CTNNA2: variants seen among roughly 807,000 people sequenced by gnomAD.
CTNNA2 encodes the protein catenin alpha 2.
Under a neutral mutation model 101.0 loss-of-function variants are expected in CTNNA2, and 42 were observed. The ratio of observed to expected loss-of-function variants is 0.42; its 90% CI spans 0.32 to 0.54. The LOEUF (loss-of-function observed/expected upper bound fraction) is 0.54, where lower values mean the gene tolerates loss of function less well. Ranked by LOEUF, CTNNA2 falls within the 20% of genes least tolerant of loss-of-function variation. The pLI, the probability that CTNNA2 is intolerant of heterozygous loss-of-function variation, is 0.14. For missense variants in CTNNA2, 871 were observed against 1,223.1 expected (o/e 0.71, Z 4.29); for synonymous variants, 450 against 456.4 (o/e 0.99, Z 0.18).
intron 7 of CTNNA2, among the ~76,000 whole-genome samples, chr2:79,985,760 G>A (rs1691712146): frequency 6.6e-6 from 1 of 152,216 alleles, no homozygotes; most frequent in Non-Finnish European, 1.5e-5. Flanking sequence ...GGCCTTGCCT[G>A]CCTAGAGTGT....
At chr2:79,567,663 G>A (rs2104181150) in intron 1 of CTNNA2, among the ~76,000 whole-genome samples, 1 of 152,124 alleles carries the variant, frequency 6.6e-6, no homozygotes, top group Admixed American at 6.5e-5. Flanking sequence ...ACAAGTAGAA[G>A]CAGCAATGTT....
intron 2 of CTNNA2, among the ~76,000 whole-genome samples, chr2:79,671,039 C>T (rs1682801537): frequency 1.3e-5 from 2 of 152,120 alleles, no homozygotes; most frequent in African/African-American, 4.8e-5. Context: ...AGCAAGAATG[C>T]GACTGTTAAC....
intron 2 of CTNNA2, among the ~76,000 whole-genome samples, chr2:79,658,600 C>A (rs1297323363): frequency 6.6e-6 from 1 of 151,978 alleles, no homozygotes; most frequent in East Asian, 1.9e-4. Context: ...AGAGTTCAAC[C>A]TTTACCTTTT....
At chr2:79,496,555 T>G (rs982237302) in intron 4 of CTNNA2, among the ~76,000 whole-genome samples, 3 of 152,094 alleles carry the variant, frequency 2.0e-5, no homozygotes, top group African/African-American at 7.2e-5. Flanking sequence ...AATATTATTT[T>G]TTTTTGCAGA....
At chr2:79,884,676 A>G (rs1011521406) in intron 6 of CTNNA2, among the ~76,000 whole-genome samples, 7 of 149,888 alleles carry the variant, frequency 4.7e-5, no homozygotes, top group African/African-American at 1.7e-4. Context: ...TCCCCGTCCT[A>G]TTTTTACCTA....
At chr2:79,305,317 C>CAT (rs918214967) in intron 2 of CTNNA2, among the ~76,000 whole-genome samples, 3 of 147,066 alleles carry the variant, frequency 2.0e-5, no homozygotes, top group Admixed American at 1.4e-4. Flanking sequence ...TATATATACA[C>CAT]ATATATATAC....
intron 7 of CTNNA2, among the ~76,000 whole-genome samples, chr2:80,198,097 A>G (rs1361143739): frequency 6.6e-6 from 1 of 152,202 alleles, no homozygotes; most frequent in Non-Finnish European, 1.5e-5. Flanking sequence ...GGGGTTTTGT[A>G]TCACCCCTCA....
intron 2 of CTNNA2, among the ~76,000 whole-genome samples, chr2:79,215,348 T>C (rs949723416): frequency 1.3e-5 from 2 of 152,134 alleles, no homozygotes; most frequent in Admixed American, 1.3e-4. Context: ...GAAGTTCTTG[T>C]GTGCTGGAGA....
chr2:80,343,907 C>A (rs1181351722), intron 7 of CTNNA2, among the ~76,000 whole-genome samples: 1 of 152,142 alleles, frequency 6.6e-6, no homozygotes, highest in Non-Finnish European at 1.5e-5. Context: ...ATATATATAA[C>A]TTGACTTCAG....
chr2:80,305,100 C>T (rs930443355), intron 7 of CTNNA2: 2 of 985,076 alleles, frequency 2.0e-6, no homozygotes, highest in Non-Finnish European at 2.4e-6. Context: ...GAGAAATCAA[C>T]GTTTGGACCT....
intron 7 of CTNNA2, among the ~76,000 whole-genome samples, chr2:79,967,105 C>G (rs556918991): frequency 4.0e-5 from 3 of 75,676 alleles, no homozygotes; most frequent in African/African-American, 1.5e-4. Flanking sequence ...TGCGTGCACA[C>G]ACGCGCACGC....
chr2:80,235,720 G>C (rs760935153), intron 7 of CTNNA2, among the ~76,000 whole-genome samples: 1 of 152,268 alleles, frequency 6.6e-6, no homozygotes, highest in South Asian at 2.1e-4. Context: ...TCAAGTACCT[G>C]GTGTTAGTCT....
At chr2:79,495,831 G>A (rs1401215123) in intron 4 of CTNNA2, among the ~76,000 whole-genome samples, 1 of 152,110 alleles carries the variant, frequency 6.6e-6, no homozygotes, top group Non-Finnish European at 1.5e-5. Flanking sequence ...GATCAACCTT[G>A]AAAATATTCG....
chr2:79,244,307 G>A (rs1313486781), intron 2 of CTNNA2, among the ~76,000 whole-genome samples: 1 of 152,126 alleles, frequency 6.6e-6, no homozygotes, highest in East Asian at 1.9e-4. Context: ...TGTGGACAAA[G>A]GTTTCATGTG....
chr2:80,478,416 C>T (rs911500640), intron 9 of CTNNA2, among the ~76,000 whole-genome samples: 1 of 151,900 alleles, frequency 6.6e-6, no homozygotes, highest in African/African-American at 2.4e-5. Flanking sequence ...TATTTCTTTT[C>T]GTTTTTGTTA....
In CTNNA2 at chr2:80,515,371, G is replaced by C. The variant is rs139545234; in HGVS notation, c.1291-29611G>C. 5.3e-3 allele frequency among the ~76,000 whole-genome samples: 809 copies of C among 152,246 alleles called. 9 individuals carry two copies. Among genetic ancestry groups the C allele is most frequent in the African/African-American group, 0.019 (774 of 41,564 alleles). On this transcript the variant is annotated intron_variant, in intron 9 of 18. Coordinates refer to ENST00000402739, the MANE Select transcript of CTNNA2 (RefSeq NM_001282597.3). ...TGATAAATTAATTGCTAATGGGAGA[G>C]AACAGAAGAAGGATTTTCACAATCT... is the stretch of plus-strand genomic sequence containing the variant.
intron 7 of CTNNA2, among the ~76,000 whole-genome samples, chr2:80,372,052 G>A (rs1320064334): frequency 2.0e-5 from 3 of 152,160 alleles, no homozygotes; most frequent in East Asian, 1.9e-4. Context: ...GTGAAAGGAG[G>A]CATTATTATC....
intron 3 of CTNNA2, among the ~76,000 whole-genome samples, chr2:79,752,618 T>C (rs1672117681): frequency 6.6e-6 from 1 of 152,210 alleles, no homozygotes; most frequent in Non-Finnish European, 1.5e-5. Flanking sequence ...TTGCCTCTCA[T>C]AGTCTGGTAC....
At chr2:80,131,482 G>A (rs765421233) in intron 7 of CTNNA2, among the ~76,000 whole-genome samples, 4 of 152,094 alleles carry the variant, frequency 2.6e-5, no homozygotes, top group African/African-American at 4.8e-5. Context: ...TGGTAATGAC[G>A]GTATAAAATT....
Sources: gnomAD v4.1 joint callset for allele counts (sites outside exome capture counted in the v4.1 genomes callset) on GRCh38, gnomAD v4.1.1 for gene constraint, MANE v1.5 for transcripts, NCBI Gene and HGNC (gene_info 2026-07-23, HGNC 2026-07-21) for gene names.